The following GMDS variants were observed in gnomAD, a reference collection of about 807,000 sequenced individuals.
GMDS encodes GDP-mannose 4,6 dehydratase.
Under a neutral mutation model 49.9 loss-of-function variants are expected in GMDS, and 20 were observed. That is an observed-to-expected ratio of 0.40 (90% CI 0.28 to 0.58). The LOEUF is 0.58. Among genes scored for constraint, GMDS ranks in the 20% least tolerant of loss-of-function variants. The probability of loss-of-function intolerance (pLI) is 0.42; values close to 1 mark genes in which losing one functional copy is unlikely to be tolerated. For missense variants in GMDS, 362 were observed against 481.4 expected (o/e 0.75, Z 2.32); for synonymous variants, 177 against 178.6 (o/e 0.99, Z 0.07).
At chr6:2,182,116 G>A (rs935101456) in intron 1 of GMDS, among the ~76,000 whole-genome samples, 6 of 152,230 alleles carry the variant, frequency 3.9e-5, no homozygotes, top group African/African-American at 1.4e-4. Flanking sequence ...TGATCTGAAT[G>A]GAAGATCAAA....
chr6:2,079,514 A>C (rs1772548366), intron 4 of GMDS, among the ~76,000 whole-genome samples: 1 of 151,856 alleles, frequency 6.6e-6, no homozygotes. Context: ...CAGGATTAGG[A>C]CTCCCTTAAG....
At chr6:1,920,637 C>T (rs955058622) in intron 7 of GMDS, among the ~76,000 whole-genome samples, 1 of 152,212 alleles carries the variant, frequency 6.6e-6, no homozygotes, top group African/African-American at 2.4e-5. Context: ...GAGATATTTA[C>T]ATCTATTTCC....
chr6:2,165,933 T>TAA (rs79359898), intron 1 of GMDS, among the ~76,000 whole-genome samples: 9 of 151,290 alleles, frequency 5.9e-5, no homozygotes, highest in African/African-American at 1.9e-4. Flanking sequence ...TTGACAAAGG[T>TAA]AAAAAAATAA....
chr6:1,844,477 C>T (rs1037699002), intron 7 of GMDS, among the ~76,000 whole-genome samples: 2 of 152,202 alleles, frequency 1.3e-5, no homozygotes, highest in African/African-American at 4.8e-5. Flanking sequence ...ATACTTTTTG[C>T]ATTCAGCTTG....
intron 7 of GMDS, among the ~76,000 whole-genome samples, chr6:1,907,539 C>T (rs1475614982): frequency 1.3e-5 from 2 of 152,152 alleles, no homozygotes; most frequent in South Asian, 2.1e-4. Flanking sequence ...AGAAATGTTC[C>T]ACCTTTGAAG....
At chr6:2,120,137 G>T (rs1320735949) in intron 2 of GMDS, among the ~76,000 whole-genome samples, 1 of 152,146 alleles carries the variant, frequency 6.6e-6, no homozygotes, top group African/African-American at 2.4e-5. Context: ...ACACAGCAAT[G>T]ATCATGTACT....
At chr6:2,229,671 T>C (rs141549386) in intron 1 of GMDS, among the ~76,000 whole-genome samples, 1 of 152,306 alleles carries the variant, frequency 6.6e-6, no homozygotes, top group Non-Finnish European at 1.5e-5. Flanking sequence ...TACAGATTTA[T>C]CTTAATTCCA....
chr6:1,672,487 A>G (rs1350755468), intron 9 of GMDS, among the ~76,000 whole-genome samples: 2 of 152,266 alleles, frequency 1.3e-5, no homozygotes, highest in East Asian at 3.8e-4. Context: ...CTCTATGTCT[A>G]ACATTCTCTG....
At chr6:1,791,724 G>C (rs541932048) in intron 7 of GMDS, among the ~76,000 whole-genome samples, 1 of 152,120 alleles carries the variant, frequency 6.6e-6, no homozygotes, top group Non-Finnish European at 1.5e-5. Flanking sequence ...AGAATACAAC[G>C]TGCATTTTGG....
At chr6:1,858,690 T>G (rs551953149) in intron 7 of GMDS, among the ~76,000 whole-genome samples, 1 of 152,100 alleles carries the variant, frequency 6.6e-6, no homozygotes, top group African/African-American at 2.4e-5. Context: ...AGCCAATGCT[T>G]TTTTAACTCC....
intron 4 of GMDS, among the ~76,000 whole-genome samples, chr6:2,096,579 A>T (rs1019634441): frequency 6.6e-6 from 1 of 152,216 alleles, no homozygotes; most frequent in Non-Finnish European, 1.5e-5. Context: ...AGCTGTCAGT[A>T]GGTCAAACAC....
At chr6:1,887,094 G>A (rs989046760) in intron 7 of GMDS, among the ~76,000 whole-genome samples, 3 of 152,072 alleles carry the variant, frequency 2.0e-5, no homozygotes, top group Non-Finnish European at 4.4e-5. Flanking sequence ...AACTTGTCTT[G>A]GATTCAAACC....
chr6:1,916,024 C>T (rs887337505), intron 7 of GMDS, among the ~76,000 whole-genome samples: 2 of 152,254 alleles, frequency 1.3e-5, no homozygotes, highest in Non-Finnish European at 2.9e-5. Flanking sequence ...AGCCACTGCT[C>T]ACGCAGGCTT....
At chr6:1,908,314 C>A (rs539454770) in intron 7 of GMDS, among the ~76,000 whole-genome samples, 1 of 152,190 alleles carries the variant, frequency 6.6e-6, no homozygotes, top group Admixed American at 6.5e-5. Flanking sequence ...CGGTTGACTG[C>A]GGACAGGTGA....
chr6:1,958,115 G>GTTT (rs35647807), intron 6 of GMDS, among the ~76,000 whole-genome samples: 2 of 129,450 alleles, frequency 1.5e-5, no homozygotes, highest in Admixed American at 7.7e-5. Flanking sequence ...CTTAAAATAT[G>GTTT]TTTTTTTTTT....
At chr6:2,229,024 G>C (rs1780953116) in intron 1 of GMDS, among the ~76,000 whole-genome samples, 1 of 152,164 alleles carries the variant, frequency 6.6e-6, no homozygotes, top group Non-Finnish European at 1.5e-5. Flanking sequence ...AAAAGCAAGA[G>C]TCCCTGAAGC....
intron 1 of GMDS, among the ~76,000 whole-genome samples, chr6:2,197,433 C>T (rs1229043180): frequency 1.3e-5 from 2 of 152,184 alleles, no homozygotes; most frequent in African/African-American, 2.4e-5. Flanking sequence ...AAGGAGGAGG[C>T]TTTGTTGCCA....
intron 4 of GMDS, among the ~76,000 whole-genome samples, chr6:2,068,521 T>C (rs968756009): frequency 3.9e-5 from 6 of 152,086 alleles, no homozygotes; most frequent in East Asian, 1.9e-4. Flanking sequence ...AAAACCCCAT[T>C]GTCTCAGCCC....
intron 7 of GMDS, among the ~76,000 whole-genome samples, chr6:1,781,345 C>T (rs567698281): frequency 6.6e-6 from 1 of 152,280 alleles, no homozygotes; most frequent in South Asian, 2.1e-4. Context: ...GCCCAGTGTG[C>T]AGATTGCTGC....
Sources: gnomAD v4.1 joint callset for allele counts (sites outside exome capture counted in the v4.1 genomes callset) on GRCh38, gnomAD v4.1.1 for gene constraint, MANE v1.5 for transcripts, NCBI Gene and HGNC (gene_info 2026-07-23, HGNC 2026-07-21) for gene names.